The following RAD51B variants were observed in gnomAD, a reference collection of about 807,000 sequenced individuals.
RAD51B encodes DNA repair protein RAD51 homolog 2.
In RAD51B, 38 loss-of-function variants were observed where a neutral mutation model predicts 42.2. That is an observed-to-expected ratio of 0.90 (90% CI 0.70 to 1.18). The LOEUF (loss-of-function observed/expected upper bound fraction) is 1.18. Among genes scored for constraint, RAD51B ranks in the 50% most tolerant of loss-of-function variants. RAD51B has a pLI of 0.00. For synonymous variants in RAD51B, 154 were observed against 145.2 expected, an observed-to-expected ratio of 1.06 and a Z score of -0.43; for missense variants, 373 against 400.7, an observed-to-expected ratio of 0.93 and a Z score of 0.59.
At chr14:68,564,567 T>A (rs10483813) in intron 10 of RAD51B, among the ~76,000 whole-genome samples, 26,122 of 152,188 alleles carry the variant, frequency 0.17, 2,689 homozygotes, top group Non-Finnish European at 0.24. Context: ...CCCTTACTTA[T>A]GGCCACAGAG....
chr14:68,131,758 C>T (rs1225187527), intron 7 of RAD51B, among the ~76,000 whole-genome samples: 1 of 151,996 alleles, frequency 6.6e-6, no homozygotes, highest in Non-Finnish European at 1.5e-5. Context: ...CTGGTCAGAC[C>T]ACCTTTTGTT....
intron 9 of RAD51B, chr14:68,422,344 C>T (rs955850732): frequency 3.2e-5 from 15 of 472,656 alleles, no homozygotes; most frequent in Admixed American, 1.6e-4. Context: ...AGGTGGATCA[C>T]GAGGTCAGGA....
chr14:68,285,313 T>A (rs1341657832), intron 7 of RAD51B, among the ~76,000 whole-genome samples: 1 of 152,218 alleles, frequency 6.6e-6, no homozygotes, highest in East Asian at 1.9e-4. Context: ...GTCACTGTCA[T>A]ATATGGCAAT....
chr14:68,073,542 G>T (rs777270873), intron 7 of RAD51B, among the ~76,000 whole-genome samples: 1 of 152,140 alleles, frequency 6.6e-6, no homozygotes, highest in African/African-American at 2.4e-5. Flanking sequence ...ATATTGATAT[G>T]TGCAGATTTG....
At chr14:68,253,134 C>A (rs2080675734) in intron 7 of RAD51B, among the ~76,000 whole-genome samples, 1 of 151,316 alleles carries the variant, frequency 6.6e-6, no homozygotes, top group Non-Finnish European at 1.5e-5. Context: ...ATTCTCCATT[C>A]CAAAAGGCAG....
intron 7 of RAD51B, among the ~76,000 whole-genome samples, chr14:67,898,611 CT>C (rs1247999884): frequency 3.3e-5 from 5 of 152,176 alleles, no homozygotes; most frequent in Non-Finnish European, 7.3e-5. Flanking sequence ...CAGGTGGAAA[CT>C]TTTAGAAGTA....
intron 7 of RAD51B, among the ~76,000 whole-genome samples, chr14:67,949,181 TCTTC>T (rs1198618011): frequency 6.6e-6 from 1 of 152,148 alleles, no homozygotes; most frequent in African/African-American, 2.4e-5. Context: ...ATCAATTGAC[TCTTC>T]CTTTCATGAA....
At chr14:68,529,825 C>T (rs1887162506) in intron 10 of RAD51B, among the ~76,000 whole-genome samples, 1 of 152,126 alleles carries the variant, frequency 6.6e-6, no homozygotes, top group Non-Finnish European at 1.5e-5. Context: ...AACAATCTGA[C>T]TAAAACTTTA....
At chr14:68,328,042 C>T (rs560909834) in intron 8 of RAD51B, among the ~76,000 whole-genome samples, 80 of 152,206 alleles carry the variant, frequency 5.3e-4, no homozygotes, top group African/African-American at 1.9e-3. Context: ...CCCTATGGAA[C>T]CCTCTGTCCC....
At chr14:68,076,943 C>G (rs1277162650) in intron 7 of RAD51B, among the ~76,000 whole-genome samples, 1 of 152,172 alleles carries the variant, frequency 6.6e-6, no homozygotes, top group Non-Finnish European at 1.5e-5. Flanking sequence ...TGCTCTACCA[C>G]TGAGATGTTT....
At chr14:68,024,122 G>A (rs534489868) in intron 7 of RAD51B, among the ~76,000 whole-genome samples, 2 of 152,138 alleles carry the variant, frequency 1.3e-5, no homozygotes, top group South Asian at 2.1e-4. Context: ...CCTATTGCTT[G>A]TTGTCAGTCT....
chr14:68,564,331 G>A (rs1375556319), intron 10 of RAD51B, among the ~76,000 whole-genome samples: 1 of 152,232 alleles, frequency 6.6e-6, no homozygotes, highest in African/African-American at 2.4e-5. Flanking sequence ...GTATTGGCCT[G>A]CAGCTTGGCT....
intron 7 of RAD51B, among the ~76,000 whole-genome samples, chr14:67,910,821 T>A (rs534016118): frequency 6.6e-6 from 1 of 152,036 alleles, no homozygotes; most frequent in South Asian, 2.1e-4. Context: ...TGTCATTTTT[T>A]TTTTTTTTGA....
intron 10 of RAD51B, among the ~76,000 whole-genome samples, chr14:68,485,630 A>C (rs1203822175): frequency 1.3e-5 from 2 of 151,886 alleles, no homozygotes; most frequent in African/African-American, 4.8e-5. Flanking sequence ...ATTAACCCCC[A>C]AGGTCTTCTC....
rs1439504225 is a variant in RAD51B at position 67,865,243 on chromosome 14, T to G, written c.452+104T>G. The G allele has an allele frequency of 5.2e-6, 4 of 765,018 alleles. No individual in the cohort carries two copies. In the African/African-American group the frequency reaches 7.5e-5, roughly 14 times the overall value. 47.4% of individuals were successfully genotyped at this position (765,018 alleles called of 1,614,324 possible). A position where few individuals can be genotyped will look rare whatever the true frequency, so the allele number is the denominator to read the frequency against. On this transcript the variant is annotated intron_variant, in intron 5 of 10. Coordinates refer to ENST00000471583, the MANE Select transcript of RAD51B (RefSeq NM_133510.4). The stretch of plus-strand genomic sequence containing the variant: ...CATTTACCACCCCTCCCCCTTGCCT[T>G]TTTTTTTTTTTTGAGATGGAGTCTT...
rs75938129 is a variant in RAD51B, at chr14:68,489,441, A to G, written c.1036+21191A>G. On this transcript the variant is annotated intron_variant, in intron 10 of 10. Coordinates refer to the RAD51B transcript ENST00000487270. ...TTAATGCATGTAAGTACCTAGAACA[A>G]TGCCTGCTGCCTAGTAAGAAAGCAG... Among the ~76,000 whole-genome samples, 203 of 152,358 alleles carry G rather than the reference A, an allele frequency of 1.3e-3. 1 individual carries two copies. The highest frequency in any genetic ancestry group is 4.8e-3 in the African/African-American group (200 of 41,582).
chr14:67,926,598 T>C (rs2140146215), intron 7 of RAD51B, among the ~76,000 whole-genome samples: 1 of 137,790 alleles, frequency 7.3e-6, no homozygotes, highest in Admixed American at 7.7e-5. Context: ...TGAGTCTTGG[T>C]CTGTCGCCAC....
chr14:68,513,490 G>T (rs896175784), intron 10 of RAD51B, among the ~76,000 whole-genome samples: 2 of 152,262 alleles, frequency 1.3e-5, no homozygotes, highest in African/African-American at 2.4e-5. Flanking sequence ...GAAGCCCCCA[G>T]CTGGGCTGTT....
At chr14:68,618,661 A>T (rs1249092917) in intron 10 of RAD51B, among the ~76,000 whole-genome samples, 2 of 152,182 alleles carry the variant, frequency 1.3e-5, no homozygotes, top group Non-Finnish European at 1.5e-5. Context: ...CTCTAAATGT[A>T]AACCATCTAC....
Sources: allele counts gnomAD v4.1 joint callset (sites outside exome capture counted in the v4.1 genomes callset), GRCh38; gene constraint gnomAD v4.1.1; transcripts MANE v1.5; gene names NCBI Gene and HGNC (gene_info 2026-07-23, HGNC 2026-07-21).